Variants in CCDC171 observed in about 807,000 individuals in gnomAD.
CCDC171 encodes coiled-coil domain containing 171, also known as coiled-coil domain-containing protein 171.
A neutral mutation model predicts 168.2 loss-of-function variants in CCDC171; 177 were observed. That is an observed-to-expected ratio of 1.05 (90% CI 0.93 to 1.19). The LOEUF (loss-of-function observed/expected upper bound fraction) is 1.19. Ranked by LOEUF, CCDC171 falls within the 50% of genes most tolerant of loss-of-function variation. The probability of loss-of-function intolerance (pLI) is 0.00; values close to 1 mark genes in which losing one functional copy is unlikely to be tolerated. For missense variants in CCDC171, 1,991 were observed against 1,539.0 expected (o/e 1.29, Z -4.91); for synonymous variants, 687 against 540.8 (o/e 1.27, Z -3.75).
intron 18 of CCDC171, among the ~76,000 whole-genome samples, chr9:15,759,510 G>C (rs570087440): frequency 9.9e-5 from 15 of 152,218 alleles, no homozygotes; most frequent in African/African-American, 2.4e-4. Flanking sequence ...ATAGCAGAAG[G>C]ATCTAGTTTA....
At chr9:15,904,479 T>C (rs1822210515) in intron 24 of CCDC171, among the ~76,000 whole-genome samples, 2 of 151,458 alleles carry the variant, frequency 1.3e-5, no homozygotes, top group Admixed American at 1.3e-4. Flanking sequence ...TGCTGAGAGA[T>C]TTTGTCACCA....
At chr9:15,570,663 T>C (rs937378139) in intron 2 of CCDC171, among the ~76,000 whole-genome samples, 5 of 152,174 alleles carry the variant, frequency 3.3e-5, no homozygotes, top group Non-Finnish European at 7.4e-5. Flanking sequence ...TATCTTTAGG[T>C]ATTTTTCACC....
Position 16,025,995 on chromosome 9 carries a change from G to C in CCDC171, n.998+3087G>C, listed in dbSNP as rs559679881. On this transcript the variant is annotated intron_variant and non_coding_transcript_variant, in intron 6 of 9. Coordinates refer to the CCDC171 transcript ENST00000486641. Reference sequence around the variant, plus strand: ...AAAAAACAAGACAGTCCCAGGCAAAGTGGGATGAGTTGGTCACCCTACGGC... The same window carrying C: ...AAAAAACAAGACAGTCCCAGGCAAACTGGGATGAGTTGGTCACCCTACGGC... Among the ~76,000 whole-genome samples the C allele has an allele frequency of 2.0e-5, 3 of 152,342 alleles. No homozygotes were observed. In the East Asian group the frequency reaches 5.8e-4, roughly 29 times the overall value.
intron 21 of CCDC171, among the ~76,000 whole-genome samples, chr9:15,844,824 C>A (rs2060828404): frequency 6.6e-6 from 1 of 152,002 alleles, no homozygotes; most frequent in African/African-American, 2.4e-5. Context: ...GTTGAAAAGT[C>A]AAGTGTGGGT....
At chr9:15,845,891 C>G (rs1246523547) in intron 21 of CCDC171, among the ~76,000 whole-genome samples, 1 of 152,054 alleles carries the variant, frequency 6.6e-6, no homozygotes, top group Non-Finnish European at 1.5e-5. Context: ...CAATTGTGAG[C>G]TTCTGATTCT....
At chr9:15,761,873 T>G (rs1489319736) in intron 18 of CCDC171, among the ~76,000 whole-genome samples, 1 of 124,490 alleles carries the variant, frequency 8.0e-6, no homozygotes, top group Non-Finnish European at 1.9e-5. Flanking sequence ...TATAAGCATG[T>G]AGAAAAGTCA....
At chr9:15,593,984 T>G (rs1015312971) in intron 5 of CCDC171, 57 bp from the exon 6 acceptor site, 20 of 1,196,310 alleles carry the variant, frequency 1.7e-5, no homozygotes, top group Middle Eastern at 3.8e-4. Context: ...AAACTGGGGA[T>G]GAAGGAAGAT....
Position 15,880,213 on chromosome 9 carries a change from A to G in CCDC171, c.3600+5550A>G, listed in dbSNP as rs189682110. On this transcript the variant is annotated intron_variant, in intron 24 of 25. Coordinates refer to ENST00000380701, the MANE Select transcript of CCDC171 (RefSeq NM_173550.4). Reference sequence around the variant, plus strand: ...CATGACTGTGCTTTGAATGTTTGAGATTATTGGAATTGGTAAGTGACATCA... The same window carrying G: ...CATGACTGTGCTTTGAATGTTTGAGGTTATTGGAATTGGTAAGTGACATCA... Among the ~76,000 whole-genome samples, 145 of 152,212 alleles carry G rather than the reference A, an allele frequency of 9.5e-4. 1 individual carries two copies. The highest frequency in any genetic ancestry group is 3.3e-3 in the African/African-American group (138 of 41,520).
At chr9:15,877,298 A>G (rs772099559) in intron 24 of CCDC171, among the ~76,000 whole-genome samples, 1 of 152,154 alleles carries the variant, frequency 6.6e-6, no homozygotes, top group Non-Finnish European at 1.5e-5. Flanking sequence ...GAGAAAGCAG[A>G]CAATGCAGGG....
chr9:16,106,378 G>A, the CCDC171 span, among the ~76,000 whole-genome samples: 2 of 152,220 alleles, frequency 1.3e-5, no homozygotes, highest in South Asian at 4.2e-4. Context: ...CCGCATTTCC[G>A]TAGCTCAGTG....
chr9:15,837,026 T>G (rs898390393), intron 21 of CCDC171, among the ~76,000 whole-genome samples: 3 of 152,216 alleles, frequency 2.0e-5, no homozygotes, highest in Admixed American at 6.5e-5. Flanking sequence ...GCAACCCTCT[T>G]CACTAGTTTG....
chr9:15,631,692 C>G (rs749859205), intron 7 of CCDC171, among the ~76,000 whole-genome samples: 1 of 152,078 alleles, frequency 6.6e-6, no homozygotes, highest in East Asian at 1.9e-4. Flanking sequence ...CATTCTGATA[C>G]GAAAGCCGGG....
At chr9:16,065,864 C>T (rs1339722498), downstream of CCDC171, among the ~76,000 whole-genome samples, 1 of 149,520 alleles carries the variant, frequency 6.7e-6, no homozygotes, top group South Asian at 2.1e-4. Flanking sequence ...TGAGGCAACA[C>T]ATATAAAGAC....
At chr9:15,879,151 A>C (rs1387634601) in intron 24 of CCDC171, among the ~76,000 whole-genome samples, 1 of 152,228 alleles carries the variant, frequency 6.6e-6, no homozygotes, top group Non-Finnish European at 1.5e-5. Context: ...AAATTCTGCC[A>C]TTCAGACACA....
chr9:15,959,753 A>T (rs1830163484), intron 25 of CCDC171, among the ~76,000 whole-genome samples: 1 of 152,164 alleles, frequency 6.6e-6, no homozygotes, highest in Non-Finnish European at 1.5e-5. Context: ...AGGAGATGTG[A>T]AGTGGAGAGA....
At chr9:15,633,579 C>G (rs542986752) in intron 7 of CCDC171, among the ~76,000 whole-genome samples, 1 of 152,094 alleles carries the variant, frequency 6.6e-6, no homozygotes, top group East Asian at 1.9e-4. Flanking sequence ...GTTGGTGGGA[C>G]TGTAAACTAG....
At chr9:16,024,218 T>C (rs1219008050) in intron 6 of CCDC171, among the ~76,000 whole-genome samples, 1 of 152,164 alleles carries the variant, frequency 6.6e-6, no homozygotes. Context: ...AACTTTAAGA[T>C]AATAAATTTA....
chr9:15,981,551 G>C (rs1273757068), intron 3 of CCDC171, among the ~76,000 whole-genome samples: 1 of 152,162 alleles, frequency 6.6e-6, no homozygotes, highest in Non-Finnish European at 1.5e-5. Flanking sequence ...TGTATGATGA[G>C]GATGACAAAT....
intron 1 of CCDC171, among the ~76,000 whole-genome samples, chr9:16,059,789 C>T (rs1423238697): frequency 2.0e-5 from 3 of 151,382 alleles, no homozygotes; most frequent in African/African-American, 7.3e-5. Context: ...GCTGGGATTA[C>T]AGGCGTGAGC....
Sources: gnomAD v4.1 joint callset for allele counts (sites outside exome capture counted in the v4.1 genomes callset) on GRCh38, gnomAD v4.1.1 for gene constraint, MANE v1.5 for transcripts, NCBI Gene and HGNC (gene_info 2026-07-23, HGNC 2026-07-21) for gene names.